The following DPF1 variants were observed in gnomAD, a reference collection of about 807,000 sequenced individuals.
DPF1 encodes the protein double PHD fingers 1.
In DPF1, 14 loss-of-function variants were observed where a neutral mutation model predicts 58.7. The ratio of observed to expected loss-of-function variants is 0.24; its 90% CI spans 0.16 to 0.37. The LOEUF (loss-of-function observed/expected upper bound fraction) is 0.37. Ranked by LOEUF, DPF1 falls within the 10% of genes least tolerant of loss-of-function variation. DPF1 has a pLI of 1.00. For missense variants in DPF1, 345 were observed against 529.9 expected (o/e 0.65, Z 3.43); for synonymous variants, 216 against 216.0 (o/e 1.00, Z 0.00).
chr19:38,211,954 T>TC lies in DPF1; in HGVS notation c.*108dup. On this transcript the variant is annotated 3_prime_UTR_variant, in exon 12 of 12. Coordinates refer to ENST00000355526, the MANE Select transcript of DPF1 (RefSeq NM_001135155.3). This position sits in a 1 kb window ranked among gnomAD's most constrained non-coding sequence, Gnocchi z 4.0. ...GGGGTGGCCCAGCCCCCTCTCGGCTTCCCCCTCTCCCCCTCCCCCTGCGGG... is the reference window on the plus strand; with the variant it reads ...GGGGTGGCCCAGCCCCCTCTCGGCTTCCCCCCTCTCCCCCTCCCCCTGCGGG... 2 of 1,300,854 alleles carry TC rather than the reference T, an allele frequency of 1.5e-6. No homozygotes were observed. Among genetic ancestry groups the TC allele is most frequent in the South Asian group, 1.3e-5 (1 of 74,126 alleles). 80.6% of individuals were successfully genotyped at this position (1,300,854 alleles called of 1,614,324 possible).
chr19:38,227,786 G>A (rs1298108993), upstream of DPF1, among the ~76,000 whole-genome samples: 1 of 152,184 alleles, frequency 6.6e-6, no homozygotes. Flanking sequence ...TTGGAACTCA[G>A]GCAGTCGGAA....
Position 38,229,376 on chromosome 19 carries a change from C to A in DPF1, c.-132+183G>T, listed in dbSNP as rs1023063677. Among the ~76,000 whole-genome samples, 2 of 152,008 alleles carry A rather than the reference C, an allele frequency of 1.3e-5. No homozygotes were observed. The highest frequency in any genetic ancestry group is 2.1e-4 in the South Asian group (1 of 4,822). ...AGGCGCCCCCGCGACCCTGGAGGGG[C>A]TCCCGCCCCCAACCCCAGGGGGCGA... On this transcript the variant is annotated intron_variant, in intron 1 of 11. Coordinates refer to the DPF1 transcript ENST00000412732. The surrounding 1 kb of genome is among the most constrained non-coding windows in gnomAD (Gnocchi z 5.3).
chr19:38,221,102 C>T (rs1224671486), intron 3 of DPF1, among the ~76,000 whole-genome samples: 1 of 152,144 alleles, frequency 6.6e-6, no homozygotes, highest in East Asian at 1.9e-4. Flanking sequence ...CAGACATACA[C>T]AAGACACAAG....
chr19:38,227,092 T>A (rs1390736758), upstream of DPF1, among the ~76,000 whole-genome samples: 2 of 150,660 alleles, frequency 1.3e-5, no homozygotes, highest in Non-Finnish European at 3.0e-5. Flanking sequence ...TCTCTTTTTT[T>A]TTTTTGGACA....
intron 6 of DPF1, 86 bp from the exon 7 acceptor site, chr19:38,217,677 C>T: frequency 6.5e-7 from 1 of 1,543,552 alleles, no homozygotes; most frequent in East Asian, 2.3e-5. Flanking sequence ...ACACCTCCCC[C>T]CTCAGCCAGA....
chr19:38,227,835 G>A (rs1387708875), upstream of DPF1: 1 of 152,324 alleles, frequency 6.6e-6, no homozygotes, highest in African/African-American at 2.4e-5. Flanking sequence ...TCTCCCCAGG[G>A]GATTTGACTC....
upstream of DPF1, among the ~76,000 whole-genome samples, chr19:38,227,136 T>C (rs1967868540): frequency 6.6e-6 from 1 of 150,544 alleles, no homozygotes; most frequent in African/African-American, 2.4e-5. Context: ...TGGAGTGCCA[T>C]GGCATGAACA....
Position 38,218,589 on chromosome 19 carries a change from T to G in DPF1, c.500A>C (p.Asn167Thr). Residue 167 changes from asparagine to threonine, a missense_variant, in exon 5 of 12, where the codon AAC (asparagine) becomes ACC (threonine). Asn to Thr is a moderately conservative substitution (Grantham distance 65, BLOSUM62 0). Coordinates refer to ENST00000355526, the MANE Select transcript of DPF1 (RefSeq NM_001135155.3). ...GGGTGATACCTTTCCTTTGGCCCTG[T>G]TCTTCCTCCTGGGAATGTCATCCTC... ...DLEDDIPRRK[N>T]RAKGKAYGIG... 1 of 1,614,172 alleles carries G rather than the reference T, an allele frequency of 6.2e-7. No individual in the cohort carries two copies. The highest frequency in any genetic ancestry group is 8.5e-7 in the Non-Finnish European group (1 of 1,180,022).
intron 5 of DPF1, among the ~76,000 whole-genome samples, chr19:38,218,331 G>C (rs375418730): frequency 7.9e-5 from 12 of 152,318 alleles, no homozygotes; most frequent in African/African-American, 2.9e-4. Flanking sequence ...TCTGTGGCAT[G>C]GGGATGAAGG....
At chr19:38,226,713 C>A (rs981388511), upstream of DPF1, among the ~76,000 whole-genome samples, 1 of 152,140 alleles carries the variant, frequency 6.6e-6, no homozygotes, top group Non-Finnish European at 1.5e-5. Context: ...GCCTCCAGGG[C>A]CCTATAGTGG....
chr19:38,224,027 T>C lies in DPF1; in HGVS notation c.29+87A>G. 7.2e-7 allele frequency: 1 copy of C among 1,382,516 alleles called. No homozygotes were observed. Among genetic ancestry groups the C allele is most frequent in the Non-Finnish European group, 9.4e-7 (1 of 1,069,318 alleles). The allele number at this position is 1,382,516 out of a possible 1,614,324, so 85.6% of individuals were successfully genotyped here. On this transcript the variant is annotated intron_variant, in intron 1 of 11. Coordinates refer to ENST00000355526, the MANE Select transcript of DPF1 (RefSeq NM_001135155.3). The surrounding 1 kb of genome is among the most constrained non-coding windows in gnomAD (Gnocchi z 4.5). ...TCGGTGACAGCCCCCCAGACACCCC[T>C]TCGGCCCCACCCCCGGTCGCCACAC...
At chr19:38,220,286 AAGAG>A (rs200138958) in intron 3 of DPF1, among the ~76,000 whole-genome samples, 53 of 149,722 alleles carry the variant, frequency 3.5e-4, no homozygotes, top group South Asian at 1.5e-3. Flanking sequence ...AGAAAAGAAA[AAGAG>A]AGAGAGAGAA....
In DPF1 at chr19:38,222,459, C is replaced by T. The variant is rs1237959784; in HGVS notation, c.196G>A (p.Ala66Thr). The change falls in exon 3 of 12, where the codon GCC becomes ACC. Residue 66 changes from alanine (A) to threonine (T), a missense_variant. Ala to Thr is a moderately conservative substitution (Grantham distance 58). Coordinates refer to ENST00000355526, the MANE Select transcript of DPF1 (RefSeq NM_001135155.3). The surrounding 1 kb of genome is among the most constrained non-coding windows in gnomAD (Gnocchi z 4.9). ...MEKTHRGPGL[A>T]PGQIYTYPAR... is the part of the protein sequence containing the mutation. The stretch of plus-strand genomic sequence containing the variant: ...GGGTACGTGTAAATCTGTCCCGGGG[C>T]CAAACCTGGAGAGAGAGGGGGGTGA... The T allele has an allele frequency of 6.3e-7, 1 of 1,583,158 alleles. No homozygotes were observed. Among genetic ancestry groups the T allele is most frequent in the East Asian group, 2.3e-5 (1 of 43,328 alleles).
Position 38,218,920 on chromosome 19 carries a change from G to A in DPF1, c.426+11C>T. The A allele has an allele frequency of 1.2e-6, 2 of 1,613,856 alleles. No homozygotes were observed. The highest frequency in any genetic ancestry group is 1.7e-6 in the Non-Finnish European group (2 of 1,179,914). On this transcript the variant is annotated intron_variant, in intron 4 of 11. Transcript: ENST00000355526. ...AGCCATGCAGCGGGGGTCCCCCAGA[G>A]GTGGGCCCACCTGACAGTCCATAAT...
upstream of DPF1, among the ~76,000 whole-genome samples, chr19:38,227,451 A>C (rs1231500168): frequency 1.3e-5 from 2 of 151,754 alleles, no homozygotes; most frequent in African/African-American, 4.8e-5. Context: ...TTCTGCCCTA[A>C]CCACCTGCAC....
Position 38,211,813 on chromosome 19 carries a change from A to G in DPF1, c.*250T>C, listed in dbSNP as rs530106667. ...CGCCCAGAGGCGGGGTATGGCTTTG[A>G]GGGGAGAAGCCCCTGGTGTCCATTT... On this transcript the variant is annotated 3_prime_UTR_variant, in exon 12 of 12. Transcript: ENST00000355526. The surrounding 1 kb of genome is among the most constrained non-coding windows in gnomAD (Gnocchi z 4.0). The G allele has an allele frequency of 7.9e-3, 3,951 of 502,310 alleles. 22 individuals carry two copies. The highest frequency in any genetic ancestry group is 0.01 in the Non-Finnish European group (3,059 of 294,176). 31.1% of individuals were successfully genotyped at this position (502,310 alleles called of 1,614,324 possible).
intron 9 of DPF1, chr19:38,214,102 C>A (rs1273740488): frequency 4.3e-6 from 1 of 231,300 alleles, no homozygotes; most frequent in African/African-American, 2.2e-5. Context: ...CAGCCACTTT[C>A]CATTACCCAC....
upstream of DPF1, among the ~76,000 whole-genome samples, chr19:38,227,708 A>G (rs1207092049): frequency 6.6e-6 from 1 of 152,226 alleles, no homozygotes; most frequent in Non-Finnish European, 1.5e-5. Context: ...AAGGGCTGTT[A>G]GAAGCCCCCA....
chr19:38,226,503 TACACACACACAC>T (rs60328056), upstream of DPF1, among the ~76,000 whole-genome samples: 2 of 133,702 alleles, frequency 1.5e-5, no homozygotes, highest in Admixed American at 1.5e-4. Flanking sequence ...CGGTCACTTC[TACACACACACAC>T]ACACACACAC....
Sources: allele counts gnomAD v4.1 joint callset (sites outside exome capture counted in the v4.1 genomes callset), GRCh38; gene constraint gnomAD v4.1.1; non-coding constraint Gnocchi (gnomAD v3.1); transcripts MANE v1.5; gene names NCBI Gene and HGNC (gene_info 2026-07-23, HGNC 2026-07-21).